Variants in TMEM255A observed in about 807,000 individuals in gnomAD.
The protein encoded by TMEM255A is family with sequence similarity 70, member A.
In TMEM255A, 14 loss-of-function variants were observed where a neutral mutation model predicts 23.5. The ratio of observed to expected loss-of-function variants is 0.60; its 90% CI spans 0.39 to 0.93. TMEM255A has a LOEUF of 0.93. Among genes scored for constraint, TMEM255A ranks in the 40% least tolerant of loss-of-function variants. The probability of loss-of-function intolerance (pLI) is 0.00; values close to 1 mark genes in which losing one functional copy is unlikely to be tolerated. For missense variants in TMEM255A, 233 were observed against 261.7 expected (o/e 0.89, Z 0.76); for synonymous variants, 104 against 100.3 (o/e 1.04, Z -0.22).
At chrX:120,304,281 A>G (rs892975385) in intron 2 of TMEM255A, 68 bp downstream of exon 2, 2 of 1,070,507 alleles carry the variant, frequency 1.9e-6, no homozygotes. Flanking sequence ...ATTGAAAACT[A>G]TCAGAGCAGA....
At chrX:120,274,747 A>T (rs2057784716) in intron 7 of TMEM255A, among the ~76,000 whole-genome samples, 1 of 112,079 alleles carries the variant, frequency 8.9e-6, no homozygotes, top group Admixed American at 9.4e-5. Context: ...GTGGACAAGG[A>T]GAAAAAGGAC....
At chrX:120,303,426 G>A (rs374978466) in intron 2 of TMEM255A, among the ~76,000 whole-genome samples, 3 of 111,172 alleles carry the variant, frequency 2.7e-5, no homozygotes, top group African/African-American at 9.8e-5. Context: ...CAATTTTAAC[G>A]AAACTAGTCT....
intron 4 of TMEM255A, 136 bp from the exon 5 acceptor site, chrX:120,287,358 T>A (rs994866715): frequency 1.4e-5 from 6 of 414,554 alleles, no homozygotes; most frequent in African/African-American, 1.4e-4. Flanking sequence ...GGCAGTAGAT[T>A]GGGTTAATTT....
intron 7 of TMEM255A, among the ~76,000 whole-genome samples, chrX:120,269,722 C>G (rs1288151531): frequency 8.9e-6 from 1 of 111,735 alleles, no homozygotes; most frequent in Non-Finnish European, 1.9e-5. Flanking sequence ...GGGCTGAGAT[C>G]TTGACCATTC....
chrX:120,300,955 C>T (rs1222064103), intron 2 of TMEM255A, among the ~76,000 whole-genome samples: 1 of 110,635 alleles, frequency 9.0e-6, no homozygotes, highest in Non-Finnish European at 1.9e-5. Context: ...CTCCTGGCCT[C>T]AAGCTATCCT....
At chrX:120,296,831 TGA>T (rs1569339725) in intron 2 of TMEM255A, among the ~76,000 whole-genome samples, 47 of 1,942 alleles carry the variant, frequency 0.024, 3 homozygotes, top group African/African-American at 0.069. Flanking sequence ...ATAATATATA[TGA>T]TATATAATAT....
At chrX:120,304,804 T>C (rs1603404311) in intron 1 of TMEM255A, among the ~76,000 whole-genome samples, 1 of 111,829 alleles carries the variant, frequency 8.9e-6, no homozygotes, top group East Asian at 2.8e-4. Context: ...AACTACTTAG[T>C]AGAGTGGTTT....
downstream of TMEM255A, chrX:120,255,368 A>C: frequency 1.7e-6 from 2 of 1,211,434 alleles, no homozygotes; most frequent in Non-Finnish European, 2.2e-6. Context: ...AAAATGATTC[A>C]ATTTTTAAAC....
chrX:120,300,577 T>TTTTTTG (rs2058027370), intron 2 of TMEM255A, among the ~76,000 whole-genome samples: 1 of 98,573 alleles, frequency 1.0e-5, no homozygotes, highest in Non-Finnish European at 2.1e-5. Context: ...TTTTTTTTTG[T>TTTTTTG]AGAGATGGGG....
downstream of TMEM255A, chrX:120,256,057 C>T (rs1556015380): frequency 8.1e-6 from 1 of 123,115 alleles, no homozygotes; most frequent in Admixed American, 9.5e-5. Flanking sequence ...TTAATCCTGG[C>T]TTTCATTGCC....
At position 120,258,662 on chromosome X, in the gene TMEM255A, G is replaced by T. The variant is rs1371234938; in HGVS notation, c.*2208C>A. The T allele has an allele frequency of 8.9e-6, 1 of 112,294 alleles. No homozygotes were observed. The highest frequency in any genetic ancestry group is 1.9e-5 in the Non-Finnish European group (1 of 53,220). The allele number at this position is 112,294 out of a possible 1,213,427, so 9.3% of individuals were successfully genotyped here. On this transcript the variant is annotated 3_prime_UTR_variant, in exon 9 of 9. Transcript: ENST00000371369. ...TGACACAAGTGGATAACGAGGGGAG[G>T]ATAGTTTTATTCATTTGAAACATCA...
chrX:120,276,917 T>C lies in TMEM255A; in HGVS notation c.643A>G (p.Thr215Ala). Residue 215 changes from threonine to alanine, a missense_variant, in exon 7 of 9, where the codon ACT becomes GCT. Transcript: ENST00000371369. ...TTAAAGCCTCCAAGGACAGCGGCAG[T>C]GATGATGCCCAGGAACAGGCCAACA... Reference protein sequence around the residue: ...NIVGLFLGIITAAVLGGFKDM... With the variant: ...NIVGLFLGIIAAAVLGGFKDM... 8.3e-7 allele frequency: 1 copy of C among 1,211,452 alleles called. No homozygotes were observed. Among genetic ancestry groups the C allele is most frequent in the Non-Finnish European group, 1.1e-6 (1 of 895,289 alleles).
chrX:120,263,325 G>A (rs1274301205), intron 8 of TMEM255A, among the ~76,000 whole-genome samples: 1 of 112,048 alleles, frequency 8.9e-6, no homozygotes, highest in East Asian at 2.8e-4. Context: ...CACCAAGCAC[G>A]AAGAGCATCT....
At chrX:120,288,404 C>T (rs1426286426) in intron 4 of TMEM255A, among the ~76,000 whole-genome samples, 2 of 112,161 alleles carry the variant, frequency 1.8e-5, no homozygotes, top group Non-Finnish European at 3.8e-5. Flanking sequence ...TTCATGCTCA[C>T]ACCTGGAAGG....
rs1004621012 is a variant in TMEM255A, at chrX:120,258,677, T to C, written c.*2193A>G. On this transcript the variant is annotated 3_prime_UTR_variant, in exon 9 of 9. Transcript: ENST00000371369. ...ACGAGGGGAGGATAGTTTTATTCAT[T>C]TGAAACATCACAAAAGCAGTCTGAG... 1.8e-5 allele frequency: 2 copies of C among 112,574 alleles called. No individual in the cohort carries two copies. Among genetic ancestry groups the C allele is most frequent in the Non-Finnish European group, 3.8e-5 (2 of 53,283 alleles). The allele number at this position is 112,574 out of a possible 1,213,427, so 9.3% of individuals were successfully genotyped here.
chrX:120,272,242 C>G (rs2057766358), intron 7 of TMEM255A, among the ~76,000 whole-genome samples: 1 of 111,509 alleles, frequency 9.0e-6, no homozygotes, highest in Non-Finnish European at 1.9e-5. Flanking sequence ...GGCAGGGGGT[C>G]CCCAGGCCGG....
chrX:120,290,585 G>T (rs782535194), intron 4 of TMEM255A, among the ~76,000 whole-genome samples: 2 of 112,292 alleles, frequency 1.8e-5, no homozygotes, highest in African/African-American at 3.2e-5. Context: ...AATAAAAATT[G>T]TCAAGTTAGG....
At position 120,290,553 on chromosome X, in the gene TMEM255A, T is replaced by G. The variant is rs1032544891; in HGVS notation, c.354+698A>C. On this transcript the variant is annotated intron_variant, in intron 4 of 8. Transcript: ENST00000371369. ...CTATGCTACAAAAATAGGTATATAC[T>G]CAGCAGCTAATATGCAAAAACAATA... 5.3e-5 allele frequency among the ~76,000 whole-genome samples: 6 copies of G among 112,510 alleles called. No individual in the cohort carries two copies. The East Asian group carries it at 1.1e-3, about 21-fold the overall frequency.
At chrX:120,307,038 A>G (rs888438722) in intron 1 of TMEM255A, among the ~76,000 whole-genome samples, 3 of 111,998 alleles carry the variant, frequency 2.7e-5, no homozygotes, top group Non-Finnish European at 5.6e-5. Context: ...TCCCCTCACG[A>G]GCGTCCTTCC....
Sources: gnomAD v4.1 joint callset for allele counts (sites outside exome capture counted in the v4.1 genomes callset) on GRCh38, gnomAD v4.1.1 for gene constraint, MANE v1.5 for transcripts, NCBI Gene and HGNC (gene_info 2026-07-23, HGNC 2026-07-21) for gene names.